Variants in MTF2 observed in about 807,000 individuals in gnomAD.
The protein encoded by MTF2 is metal-response element-binding transcription factor 2.
Under a neutral mutation model 79.5 loss-of-function variants are expected in MTF2, and 11 were observed. The ratio of observed to expected loss-of-function variants is 0.14; its 90% CI spans 0.09 to 0.23. The LOEUF is 0.23. MTF2 is among the 10% of genes least tolerant of loss of function. The probability of loss-of-function intolerance (pLI) is 1.00; values close to 1 mark genes in which losing one functional copy is unlikely to be tolerated. For missense variants in MTF2, 486 were observed against 711.2 expected, an observed-to-expected ratio of 0.68 and a Z score of 3.60; for synonymous variants, 208 against 232.8, an observed-to-expected ratio of 0.89 and a Z score of 0.97.
chr1:93,114,685 T>C lies in MTF2; in HGVS notation c.287-3T>C, dbSNP rs1269934700. On this transcript the variant is annotated splice_polypyrimidine_tract_variant and splice_region_variant and intron_variant, in intron 3 of 14. Coordinates refer to ENST00000370298, the MANE Select transcript of MTF2 (RefSeq NM_007358.4). ...CTTTTTTAATGTGTTTTAAATATTT[T>C]AGGAGCCACTGGAAGTGGGGAAATG... The C allele has an allele frequency of 1.9e-6, 3 of 1,583,832 alleles. No homozygotes were observed. The highest frequency in any genetic ancestry group is 2.6e-6 in the Non-Finnish European group (3 of 1,169,808).
intron 6 of MTF2, 106 bp downstream of exon 6, chr1:93,115,724 C>A: frequency 1.2e-6 from 1 of 845,952 alleles, no homozygotes; most frequent in Non-Finnish European, 1.7e-6. Context: ...TGCATGAACA[C>A]ATCAGTGAAG....
At chr1:93,092,758 ATTCT>A (rs1282410699) in intron 1 of MTF2, among the ~76,000 whole-genome samples, 3 of 151,958 alleles carry the variant, frequency 2.0e-5, no homozygotes, top group African/African-American at 7.2e-5. Flanking sequence ...TTCTCTCCTC[ATTCT>A]TTCAGTATAG....
In MTF2 at chr1:93,138,267, TTTTTG is replaced by T. The variant is rs1224186116; in HGVS notation, c.*1250_*1254del. 8 of 152,208 alleles carry T rather than the reference TTTTTG, an allele frequency of 5.3e-5. No homozygotes were observed. Among genetic ancestry groups the T allele is most frequent in the African/African-American group, 1.9e-4 (8 of 41,458 alleles). 9.4% of individuals were successfully genotyped at this position (152,208 alleles called of 1,614,324 possible). A position where few individuals can be genotyped will look rare whatever the true frequency, so the allele number is the denominator to read the frequency against. Reference sequence around the variant, plus strand: ...CAGTGTTACAGTTGTCTTCTGTTTCTTTTTGTTTTGTTTTATTTGTTTTCCTTTTT... The same window carrying T: ...CAGTGTTACAGTTGTCTTCTGTTTCTTTTTGTTTTATTTGTTTTCCTTTTT... On this transcript the variant is annotated 3_prime_UTR_variant, in exon 15 of 15. Coordinates refer to ENST00000370298, the MANE Select transcript of MTF2 (RefSeq NM_007358.4).
At chr1:93,079,604 C>G (rs1325148414) in intron 1 of MTF2, 73 bp downstream of exon 1, 5 of 1,481,408 alleles carry the variant, frequency 3.4e-6, no homozygotes, top group Non-Finnish European at 4.6e-6. Flanking sequence ...AGAAAGGAAG[C>G]AAGTATAAAA....
chr1:93,086,568 T>C (rs1423314624), intron 1 of MTF2, among the ~76,000 whole-genome samples: 1 of 151,248 alleles, frequency 6.6e-6, no homozygotes, highest in Non-Finnish European at 1.5e-5. Context: ...ATGAATGCCT[T>C]GGGTGGAAAA....
chr1:93,115,156 T>C, intron 5 of MTF2, 68 bp downstream of exon 5: 1 of 1,193,058 alleles, frequency 8.4e-7, no homozygotes, highest in South Asian at 1.3e-5. Context: ...ATAATGATTG[T>C]GTACACTGAA....
Position 93,110,163 on chromosome 1 carries a change from A to G in MTF2, c.6-67A>G, listed in dbSNP as rs558513360. 1.1e-4 allele frequency: 152 copies of G among 1,414,892 alleles called. No individual in the cohort carries two copies. The Middle Eastern group carries it at 4.9e-3, about 45-fold the overall frequency. The allele number at this position is 1,414,892 out of a possible 1,614,324, so 87.6% of individuals were successfully genotyped here. ...TTTAAAACTTTGATTAACATATAAA[A>G]TATCCCACTGGTATAAAATAAGCTC... On this transcript the variant is annotated intron_variant, in intron 1 of 14. Coordinates refer to ENST00000370298, the MANE Select transcript of MTF2 (RefSeq NM_007358.4).
chr1:93,101,341 A>G (rs1655519137), intron 1 of MTF2, among the ~76,000 whole-genome samples: 2 of 145,580 alleles, frequency 1.4e-5, no homozygotes, highest in Admixed American at 1.4e-4. Context: ...GTTAAAATAC[A>G]TGTAACAAAA....
At chr1:93,124,256 T>A (rs1227685843) in intron 9 of MTF2, among the ~76,000 whole-genome samples, 1 of 152,076 alleles carries the variant, frequency 6.6e-6, no homozygotes, top group Admixed American at 6.6e-5. Flanking sequence ...TGGATTATTT[T>A]CTTTGAGATA....
At chr1:93,079,938 G>A (rs924201511) in intron 1 of MTF2, among the ~76,000 whole-genome samples, 1 of 151,946 alleles carries the variant, frequency 6.6e-6, no homozygotes, top group Non-Finnish European at 1.5e-5. Flanking sequence ...AATGTGGGGA[G>A]CAGAGTGGAG....
intron 1 of MTF2, among the ~76,000 whole-genome samples, chr1:93,089,332 T>C (rs953613659): frequency 6.6e-6 from 1 of 152,212 alleles, no homozygotes; most frequent in Non-Finnish European, 1.5e-5. Context: ...GCTTGATAAA[T>C]GGAGGATTTA....
chr1:93,081,469 A>G (rs1264417289), intron 1 of MTF2, among the ~76,000 whole-genome samples: 4 of 152,208 alleles, frequency 2.6e-5, no homozygotes, highest in Non-Finnish European at 5.9e-5. Context: ...CAACATCTGT[A>G]GCTTGATGGT....
At chr1:93,109,372 TGCCCAGGCTG>T (rs913449994) in intron 1 of MTF2, among the ~76,000 whole-genome samples, 1 of 152,068 alleles carries the variant, frequency 6.6e-6, no homozygotes, top group Non-Finnish European at 1.5e-5. Flanking sequence ...CTTGCTCTGT[TGCCCAGGCTG>T]GAGTGCAGTG....
chr1:93,137,201 C>G lies in MTF2; in HGVS notation c.*174C>G, dbSNP rs1647438508. 2.1e-6 allele frequency: 1 copy of G among 480,438 alleles called. No individual in the cohort carries two copies. The highest frequency in any genetic ancestry group is 1.9e-5 in the African/African-American group (1 of 51,700). 29.8% of individuals were successfully genotyped at this position (480,438 alleles called of 1,614,324 possible). A position where few individuals can be genotyped will look rare whatever the true frequency, so the allele number is the denominator to read the frequency against. On this transcript the variant is annotated 3_prime_UTR_variant, in exon 15 of 15. Transcript: ENST00000370298. Reference sequence around the variant, plus strand: ...TACCTGTCAATGTTATGGATATTGTCATAAAAAGGTATCTTTTAAAAATCA... The same window carrying G: ...TACCTGTCAATGTTATGGATATTGTGATAAAAAGGTATCTTTTAAAAATCA...
chr1:93,127,233 T>G lies in MTF2; in HGVS notation c.923T>G (p.Leu308Arg). 1 of 1,609,650 alleles carries G rather than the reference T, an allele frequency of 6.2e-7. No individual in the cohort carries two copies. The highest frequency in any genetic ancestry group is 8.5e-7 in the Non-Finnish European group (1 of 1,176,140). ...AAATTGTTTCTTGATACTTCACAGCTGGCAGACACACCAAAATCTGAAAGA... is the reference window on the plus strand; with the variant it reads ...AAATTGTTTCTTGATACTTCACAGCGGGCAGACACACCAAAATCTGAAAGA... ...ENWDRLHPGE[L>R]ADTPKSERYE... is the part of the protein sequence containing the mutation. The change falls in exon 10 of 15, where the codon CTG becomes CGG. Residue 308 changes from leucine to arginine, a missense_variant and splice_region_variant. Leu to Arg is a moderately radical substitution (Grantham distance 102). Transcript: ENST00000370298.
chr1:93,110,804 C>T (rs530253155), intron 3 of MTF2, among the ~76,000 whole-genome samples, 178 bp downstream of exon 3: 3 of 152,162 alleles, frequency 2.0e-5, no homozygotes, highest in Non-Finnish European at 2.9e-5. Flanking sequence ...AACAAGAATA[C>T]TCTAGAGGAC....
At chr1:93,088,380 T>G (rs944924941) in intron 1 of MTF2, among the ~76,000 whole-genome samples, 2 of 152,232 alleles carry the variant, frequency 1.3e-5, no homozygotes, top group Non-Finnish European at 2.9e-5. Context: ...ATATGTGAGA[T>G]AATATAATCA....
intron 9 of MTF2, chr1:93,121,482 T>G (rs974517151): frequency 1.0e-6 from 1 of 983,056 alleles, no homozygotes; most frequent in Non-Finnish European, 1.2e-6. Flanking sequence ...TTTTGCACAC[T>G]GATTTGAAGT....
At chr1:93,088,267 C>T (rs1654930290) in intron 1 of MTF2, among the ~76,000 whole-genome samples, 1 of 152,010 alleles carries the variant, frequency 6.6e-6, no homozygotes, top group Non-Finnish European at 1.5e-5. Context: ...AATGTATGTA[C>T]CTGTACTTAA....
Sources: allele counts gnomAD v4.1 joint callset (sites outside exome capture counted in the v4.1 genomes callset), GRCh38; gene constraint gnomAD v4.1.1; transcripts MANE v1.5; gene names NCBI Gene and HGNC (gene_info 2026-07-23, HGNC 2026-07-21).